Variants in OSBPL10 observed in about 807,000 individuals in gnomAD.
OSBPL10 encodes oxysterol binding protein like 10, also known as oxysterol-binding protein-related protein 10.
A neutral mutation model predicts 81.7 loss-of-function variants in OSBPL10; 49 were observed. That is an observed-to-expected ratio of 0.60 (90% CI 0.48 to 0.76). OSBPL10 has a LOEUF of 0.76. Among genes scored for constraint, OSBPL10 ranks in the 30% least tolerant of loss-of-function variants. The pLI is 0.00. For missense variants in OSBPL10, 923 were observed against 987.8 expected (o/e 0.93, Z 0.88); for synonymous variants, 419 against 383.6 (o/e 1.09, Z -1.08).
chr3:31,944,567 C>A (rs990278285), intron 1 of OSBPL10, among the ~76,000 whole-genome samples: 2 of 152,094 alleles, frequency 1.3e-5, no homozygotes, highest in African/African-American at 4.8e-5. Flanking sequence ...TTCCTGATAG[C>A]TGTCCCCATC....
chr3:31,827,485 A>T (rs537589727), intron 4 of OSBPL10, among the ~76,000 whole-genome samples: 6 of 152,116 alleles, frequency 3.9e-5, no homozygotes, highest in African/African-American at 1.4e-4. Flanking sequence ...AAATACAAAA[A>T]ATTAGCCAGG....
At chr3:31,775,813 C>T (rs571806572) in intron 4 of OSBPL10, among the ~76,000 whole-genome samples, 3 of 151,996 alleles carry the variant, frequency 2.0e-5, no homozygotes, top group African/African-American at 7.2e-5. Context: ...CTTGGAGGAG[C>T]GGGAGAGAGA....
intron 1 of OSBPL10, among the ~76,000 whole-genome samples, chr3:31,969,804 G>A (rs1366143423): frequency 3.3e-5 from 5 of 151,374 alleles, no homozygotes; most frequent in Admixed American, 1.3e-4. Flanking sequence ...GCATTGAGCC[G>A]AGATCGCACC....
intron 2 of OSBPL10, among the ~76,000 whole-genome samples, chr3:32,010,844 C>T (rs1699249568): frequency 6.6e-6 from 1 of 152,206 alleles, no homozygotes; most frequent in Non-Finnish European, 1.5e-5. Context: ...TCACTCATTG[C>T]TAGCACAGCA....
At chr3:31,823,439 G>C (rs941213329) in intron 4 of OSBPL10, among the ~76,000 whole-genome samples, 2 of 152,182 alleles carry the variant, frequency 1.3e-5, no homozygotes, top group African/African-American at 4.8e-5. Context: ...GAGTGGGTGA[G>C]TAAGCAAGCT....
chr3:31,931,145 G>T (rs1697237511), intron 1 of OSBPL10, among the ~76,000 whole-genome samples: 2 of 151,902 alleles, frequency 1.3e-5, no homozygotes, highest in South Asian at 4.2e-4. Context: ...CTTTGGAGAG[G>T]GAGACCGAGA....
intron 1 of OSBPL10, among the ~76,000 whole-genome samples, chr3:31,903,163 T>C (rs1696301532): frequency 6.6e-6 from 1 of 152,128 alleles, no homozygotes; most frequent in East Asian, 1.9e-4. Flanking sequence ...AGCACTATTC[T>C]AGGTGCCAGG....
chr3:31,753,852 C>T (rs1009093160), intron 4 of OSBPL10, among the ~76,000 whole-genome samples: 3 of 152,106 alleles, frequency 2.0e-5, no homozygotes, highest in Admixed American at 2.0e-4. Context: ...CTTGCCTTCC[C>T]CGCTTGGAGA....
At chr3:31,700,970 G>A (rs1055186101) in intron 7 of OSBPL10, among the ~76,000 whole-genome samples, 6 of 152,138 alleles carry the variant, frequency 3.9e-5, no homozygotes, top group Non-Finnish European at 5.9e-5. Context: ...TATGTCTGGC[G>A]TCCTCAGTGT....
chr3:31,814,102 G>A (rs1380733839), intron 4 of OSBPL10, among the ~76,000 whole-genome samples: 1 of 152,136 alleles, frequency 6.6e-6, no homozygotes, highest in Non-Finnish European at 1.5e-5. Flanking sequence ...GAACCCAGGG[G>A]CAGGGTGGAG....
intron 3 of OSBPL10, among the ~76,000 whole-genome samples, chr3:31,864,157 G>A (rs1279447793): frequency 6.6e-6 from 1 of 152,196 alleles, no homozygotes; most frequent in Non-Finnish European, 1.5e-5. Flanking sequence ...GTGAGTACTG[G>A]TATATATGGG....
At chr3:32,004,280 G>A (rs1265840973) in intron 2 of OSBPL10, among the ~76,000 whole-genome samples, 4 of 152,148 alleles carry the variant, frequency 2.6e-5, no homozygotes, top group African/African-American at 7.2e-5. Flanking sequence ...CCTGAGGGCA[G>A]TGTGGACCTG....
At chr3:32,048,602 C>T (rs1699644455) in intron 1 of OSBPL10, among the ~76,000 whole-genome samples, 1 of 152,162 alleles carries the variant, frequency 6.6e-6, no homozygotes, top group Non-Finnish European at 1.5e-5. Flanking sequence ...CCACCATGCC[C>T]AGCCTCTCTT....
At chr3:31,688,714 C>T (rs1700863377) in intron 7 of OSBPL10, among the ~76,000 whole-genome samples, 1 of 152,200 alleles carries the variant, frequency 6.6e-6, no homozygotes, top group South Asian at 2.1e-4. Flanking sequence ...TCAGTTGCTG[C>T]TTCTCTCGAG....
At chr3:31,913,685 A>G (rs1696659178) in intron 1 of OSBPL10, among the ~76,000 whole-genome samples, 2 of 152,242 alleles carry the variant, frequency 1.3e-5, no homozygotes, top group African/African-American at 2.4e-5. Flanking sequence ...AAACTGACTA[A>G]CCAAGGTGAA....
intron 2 of OSBPL10, among the ~76,000 whole-genome samples, chr3:32,007,167 G>T (rs546516881): frequency 6.6e-6 from 1 of 152,116 alleles, no homozygotes; most frequent in Non-Finnish European, 1.5e-5. Flanking sequence ...TAGGCATGAT[G>T]AAATTTTTGT....
intron 2 of OSBPL10, among the ~76,000 whole-genome samples, chr3:31,996,442 A>C (rs1028555754): frequency 1.3e-5 from 2 of 152,150 alleles, no homozygotes; most frequent in African/African-American, 2.4e-5. Context: ...CATTCTCTGC[A>C]TCTAAATATG....
chr3:31,888,433 C>T (rs1695800413), intron 1 of OSBPL10, among the ~76,000 whole-genome samples: 1 of 152,062 alleles, frequency 6.6e-6, no homozygotes. Flanking sequence ...TTAGTGAGAC[C>T]TCAAAAGCAC....
intron 4 of OSBPL10, among the ~76,000 whole-genome samples, chr3:31,766,807 C>T (rs1342226922): frequency 1.3e-5 from 2 of 152,232 alleles, no homozygotes; most frequent in East Asian, 1.9e-4. Context: ...GCTGGCATGA[C>T]ATGAATGCCA....
Sources: allele counts gnomAD v4.1 joint callset (sites outside exome capture counted in the v4.1 genomes callset), GRCh38; gene constraint gnomAD v4.1.1; transcripts MANE v1.5; gene names NCBI Gene and HGNC (gene_info 2026-07-23, HGNC 2026-07-21).